Variants in LRFN5 observed in about 807,000 individuals in gnomAD.
LRFN5 encodes the protein leucine-rich repeat and fibronectin type-III domain-containing protein 5.
In LRFN5, 24 loss-of-function variants were observed where a neutral mutation model predicts 45.6. The observed-to-expected ratio is 0.53, with a 90% CI of 0.38 to 0.74. The LOEUF is 0.74. Ranked by LOEUF, LRFN5 falls within the 30% of genes least tolerant of loss-of-function variation. LRFN5 has a pLI of 0.00. For missense variants in LRFN5, 776 were observed against 861.5 expected, an observed-to-expected ratio of 0.90 and a Z score of 1.24; for synonymous variants, 340 against 313.8, an observed-to-expected ratio of 1.08 and a Z score of -0.88.
At chr14:41,734,024 C>CTTTTTT (rs1241948731) in intron 1 of LRFN5, among the ~76,000 whole-genome samples, 5 of 115,516 alleles carry the variant, frequency 4.3e-5, no homozygotes, top group African/African-American at 1.1e-4. Flanking sequence ...CTTTTCTTTT[C>CTTTTTT]TTTTCTTTTT....
chr14:41,833,496 C>T (rs1888554848), intron 2 of LRFN5, among the ~76,000 whole-genome samples: 1 of 152,200 alleles, frequency 6.6e-6, no homozygotes, highest in Admixed American at 6.6e-5. Context: ...ATTCACACCT[C>T]GGTTTATCTC....
chr14:41,891,928 G>C lies in LRFN5; in HGVS notation c.2064G>C (p.Glu688Asp). The change falls in exon 4 of 6, where the codon GAG becomes GAC. Residue 688 changes from glutamate (E) to aspartate (D), a missense_variant. Coordinates refer to ENST00000298119, the MANE Select transcript of LRFN5 (RefSeq NM_152447.5). ...GCCGTCCTCCCGATTCTGTCACAGA[G>C]GGGCCCACGTCTAAAAGAGCACATA... ...LASRPPDSVTEGPTSKRAHIK... is the reference protein window; with the variant it reads ...LASRPPDSVTDGPTSKRAHIK... 1 of 1,613,990 alleles carries C rather than the reference G, an allele frequency of 6.2e-7. No homozygotes were observed.
chr14:41,838,327 A>G (rs1179621003), intron 2 of LRFN5, among the ~76,000 whole-genome samples: 3 of 152,186 alleles, frequency 2.0e-5, no homozygotes, highest in Admixed American at 2.0e-4. Flanking sequence ...ACTTGGTATC[A>G]CATACCCAAG....
chr14:41,663,086 TTAATC>T (rs1292680901), intron 1 of LRFN5, among the ~76,000 whole-genome samples: 1 of 152,142 alleles, frequency 6.6e-6, no homozygotes, highest in Non-Finnish European at 1.5e-5. Flanking sequence ...TACATGCAGT[TTAATC>T]TAATTTCATA....
At chr14:41,884,667 C>G (rs1890501468) in intron 2 of LRFN5, among the ~76,000 whole-genome samples, 1 of 152,130 alleles carries the variant, frequency 6.6e-6, no homozygotes, top group Non-Finnish European at 1.5e-5. Flanking sequence ...AACACCCTCC[C>G]CTTAACGATC....
chr14:41,674,398 C>T (rs1594604445), intron 1 of LRFN5, among the ~76,000 whole-genome samples: 1 of 138,138 alleles, frequency 7.2e-6, no homozygotes, highest in Admixed American at 7.0e-5. Context: ...CACCTCCCTC[C>T]CGGACGGGGC....
At chr14:41,777,066 T>A (rs1472941030) in intron 2 of LRFN5, among the ~76,000 whole-genome samples, 1 of 151,998 alleles carries the variant, frequency 6.6e-6, no homozygotes, top group Non-Finnish European at 1.5e-5. Flanking sequence ...TCATCATCTC[T>A]GCACAAATAC....
chr14:41,824,488 G>C (rs187534045), intron 2 of LRFN5, among the ~76,000 whole-genome samples: 10 of 152,284 alleles, frequency 6.6e-5, no homozygotes, highest in Non-Finnish European at 1.5e-4. Flanking sequence ...TGCACTGGTT[G>C]TATGAGCAGA....
Position 41,816,139 on chromosome 14 carries a change from T to C in LRFN5, c.-21+49110T>C, listed in dbSNP as rs575922677. 1.1e-4 allele frequency among the ~76,000 whole-genome samples: 17 copies of C among 151,968 alleles called. No homozygotes were observed. The South Asian group carries it at 3.3e-3, about 30-fold the overall frequency. ...CCTTCCTCCGTCTCCCCCATGTTCC[T>C]ATTCTTCCTCCCCTCCCTTCCCTCT... On this transcript the variant is annotated intron_variant, in intron 2 of 5. Coordinates refer to ENST00000298119, the MANE Select transcript of LRFN5 (RefSeq NM_152447.5).
chr14:41,836,903 A>G (rs1888681137), intron 2 of LRFN5, among the ~76,000 whole-genome samples: 1 of 152,104 alleles, frequency 6.6e-6, no homozygotes, highest in African/African-American at 2.4e-5. Flanking sequence ...AGCAGGACAC[A>G]GAGAGGGAAT....
intron 2 of LRFN5, among the ~76,000 whole-genome samples, chr14:41,832,689 A>G (rs542142134): frequency 1.3e-5 from 2 of 152,244 alleles, no homozygotes; most frequent in South Asian, 4.1e-4. Flanking sequence ...TTCTCAGAAC[A>G]TATATCTGGA....
At chr14:41,658,446 A>G (rs1880479057) in intron 1 of LRFN5, among the ~76,000 whole-genome samples, 1 of 152,004 alleles carries the variant, frequency 6.6e-6, no homozygotes, top group African/African-American at 2.4e-5. Context: ...GATGATTCAG[A>G]CATTCACTTC....
chr14:41,716,970 C>T (rs1001272866), intron 1 of LRFN5, among the ~76,000 whole-genome samples: 17 of 152,266 alleles, frequency 1.1e-4, no homozygotes, highest in African/African-American at 3.9e-4. Flanking sequence ...CTTTTCTATG[C>T]TCTATTTTCT....
At chr14:41,680,787 A>C (rs769447317) in intron 1 of LRFN5, among the ~76,000 whole-genome samples, 4 of 152,148 alleles carry the variant, frequency 2.6e-5, no homozygotes, top group Non-Finnish European at 5.9e-5. Flanking sequence ...CCAGGGACCA[A>C]TCCTGAAGAG....
rs1425784322 is a variant in LRFN5 at position 41,674,593 on chromosome 14, G to A, written c.-197+66031G>A. Among the ~76,000 whole-genome samples the A allele has an allele frequency of 6.2e-5, 9 of 145,556 alleles. No homozygotes were observed. In the South Asian group the frequency reaches 8.8e-4, roughly 14 times the overall value. On this transcript the variant is annotated intron_variant, in intron 1 of 5. Transcript: ENST00000298119. ...TCTCTCCAGGACGGGGCGGCTGGCC[G>A]GGCAGGGGGCTGACCCCCCCACCTC... is the stretch of plus-strand genomic sequence containing the variant.
intron 1 of LRFN5, among the ~76,000 whole-genome samples, chr14:41,758,987 C>T (rs1885532724): frequency 6.6e-6 from 1 of 152,000 alleles, no homozygotes; most frequent in Non-Finnish European, 1.5e-5. Context: ...GGTGAAGGTG[C>T]TAGATGCTGC....
chr14:41,882,373 T>C (rs1378818486), intron 2 of LRFN5, among the ~76,000 whole-genome samples: 2 of 152,134 alleles, frequency 1.3e-5, no homozygotes, highest in Non-Finnish European at 2.9e-5. Flanking sequence ...TGTATGGAAA[T>C]GAAGGGGACT....
intron 2 of LRFN5, among the ~76,000 whole-genome samples, chr14:41,789,876 A>C (rs567233161): frequency 6.0e-5 from 9 of 150,054 alleles, no homozygotes; most frequent in African/African-American, 2.2e-4. Context: ...TAATATTTTC[A>C]TAAACAATTT....
chr14:41,742,639 G>C (rs542118650), intron 1 of LRFN5: 18 of 152,100 alleles, frequency 1.2e-4, no homozygotes, highest in African/African-American at 4.3e-4. Context: ...AATTCCCGTG[G>C]ATGGGGCTTA....
Sources: allele counts gnomAD v4.1 joint callset (sites outside exome capture counted in the v4.1 genomes callset), GRCh38; gene constraint gnomAD v4.1.1; transcripts MANE v1.5; gene names NCBI Gene and HGNC (gene_info 2026-07-23, HGNC 2026-07-21).